The following ESR2 variants were observed in gnomAD, a reference collection of about 807,000 sequenced individuals.
ESR2 encodes estrogen receptor 2, also known as estrogen receptor beta.
ESR2 carries 36 observed loss-of-function variants against 49.6 expected under a neutral mutation model. The ratio of observed to expected loss-of-function variants is 0.73; its 90% CI spans 0.56 to 0.96. The LOEUF is 0.96. ESR2 is among the 40% of genes least tolerant of loss of function. The pLI is 0.00. For missense variants in ESR2, 714 were observed against 693.0 expected (o/e 1.03, Z -0.34); for synonymous variants, 320 against 266.1 (o/e 1.20, Z -1.97).
intron 1 of ESR2, among the ~76,000 whole-genome samples, chr14:64,334,019 C>T (rs1421944385): frequency 6.6e-6 from 1 of 152,040 alleles, no homozygotes; most frequent in African/African-American, 2.4e-5. Flanking sequence ...AAAATAAAAT[C>T]AAGTTAGCAC....
chr14:64,280,266 G>A, intron 2 of ESR2, 113 bp from the exon 3 acceptor site: 1 of 776,140 alleles, frequency 1.3e-6, no homozygotes, highest in African/African-American at 1.7e-5. Context: ...TTCCTCCAGG[G>A]TTCCTGGTAA....
intron 1 of ESR2, among the ~76,000 whole-genome samples, chr14:64,285,159 ACTT>A (rs2076763904): frequency 6.6e-6 from 1 of 151,928 alleles, no homozygotes. Flanking sequence ...AGCTCTCATT[ACTT>A]CTTATCAGTG....
chr14:64,332,873 CTT>C (rs150273193), intron 1 of ESR2, among the ~76,000 whole-genome samples: 25 of 128,632 alleles, frequency 1.9e-4, no homozygotes, highest in Non-Finnish European at 2.1e-4. Flanking sequence ...AATCACAAAT[CTT>C]TTTTTTTTTT....
At chr14:64,294,702 C>A (rs911918028), upstream of ESR2, among the ~76,000 whole-genome samples, 3 of 152,202 alleles carry the variant, frequency 2.0e-5, no homozygotes, top group Non-Finnish European at 4.4e-5. Flanking sequence ...GTCCTCAGCC[C>A]CTGACTCACA....
intron 1 of ESR2, among the ~76,000 whole-genome samples, chr14:64,293,237 CAT>C (rs1033677276): frequency 5.3e-5 from 8 of 152,162 alleles, no homozygotes; most frequent in African/African-American, 1.4e-4. Context: ...AAATTACAAA[CAT>C]GTTTCCCCTC....
chr14:64,228,060 C>G, downstream of ESR2: 1 of 1,391,338 alleles, frequency 7.2e-7, no homozygotes, highest in South Asian at 1.8e-5. Context: ...GGTCATAAAT[C>G]AATCACAAGT....
At chr14:64,299,018 CTGTTAGAAA>C (rs2076991586), upstream of ESR2, among the ~76,000 whole-genome samples, 3 of 151,286 alleles carry the variant, frequency 2.0e-5, no homozygotes, top group South Asian at 6.3e-4. Context: ...AGTTATAGGA[CTGTTAGAAA>C]TGGCGGCAAA....
At chr14:64,309,910 C>T (rs181442611) in intron 1 of ESR2, among the ~76,000 whole-genome samples, 3 of 152,028 alleles carry the variant, frequency 2.0e-5, no homozygotes, top group East Asian at 1.9e-4. Context: ...CACGGCAAAA[C>T]GCCGTCTCTA....
chr14:64,239,804 C>T (rs2075682301), intron 7 of ESR2, among the ~76,000 whole-genome samples: 1 of 152,182 alleles, frequency 6.6e-6, no homozygotes, highest in Non-Finnish European at 1.5e-5. Flanking sequence ...ACCACACAAC[C>T]TATATATGCA....
At chr14:64,242,424 AAAC>A (rs1446121059) in intron 7 of ESR2, among the ~76,000 whole-genome samples, 3 of 109,916 alleles carry the variant, frequency 2.7e-5, no homozygotes, top group African/African-American at 1.8e-4. Context: ...AAAACAAAAA[AAAC>A]AAAACAAACA....
intron 1 of ESR2, among the ~76,000 whole-genome samples, chr14:64,305,939 G>T (rs143813806): frequency 6.7e-6 from 1 of 150,238 alleles, no homozygotes; most frequent in South Asian, 2.1e-4. Context: ...GGCCGGGCAC[G>T]GTGGCTCACG....
intron 7 of ESR2, among the ~76,000 whole-genome samples, chr14:64,248,519 A>G (rs1185609670): frequency 2.6e-5 from 4 of 151,006 alleles, no homozygotes; most frequent in Non-Finnish European, 5.9e-5. Context: ...AAAAAAAAAA[A>G]AAAGAAAAAA....
At chr14:64,281,780 T>C (rs1394354881) in intron 2 of ESR2, among the ~76,000 whole-genome samples, 1 of 152,218 alleles carries the variant, frequency 6.6e-6, no homozygotes, top group Non-Finnish European at 1.5e-5. Context: ...TCAGGGAATG[T>C]CAACTGAAGC....
At chr14:64,254,564 T>C (rs1268339922) in intron 6 of ESR2, among the ~76,000 whole-genome samples, 4 of 144,982 alleles carry the variant, frequency 2.8e-5, no homozygotes, top group African/African-American at 1.1e-4. Context: ...TTGGCCAACA[T>C]GGTAAAACCC....
chr14:64,275,501 G>C (rs1024076426), intron 3 of ESR2, among the ~76,000 whole-genome samples: 1 of 151,978 alleles, frequency 6.6e-6, no homozygotes, highest in Non-Finnish European at 1.5e-5. Flanking sequence ...TCAGGAGTTC[G>C]AGACCAGCCT....
intron 6 of ESR2, among the ~76,000 whole-genome samples, chr14:64,255,395 A>T (rs772396591): frequency 3.3e-5 from 5 of 152,108 alleles, no homozygotes; most frequent in Non-Finnish European, 7.4e-5. Context: ...GCCTTGCGAC[A>T]TGGTACCCTG....
chr14:64,302,179 TA>T (rs1486722933), intron 1 of ESR2, among the ~76,000 whole-genome samples: 2,135 of 149,326 alleles, frequency 0.014, 66 homozygotes, highest in East Asian at 0.079. Flanking sequence ...TTTATTTATT[TA>T]TTTATTTATT....
At chr14:64,317,170 G>C (rs534538381) in intron 1 of ESR2, among the ~76,000 whole-genome samples, 3 of 152,178 alleles carry the variant, frequency 2.0e-5, no homozygotes, top group Non-Finnish European at 4.4e-5. Context: ...GGAGGCTGAG[G>C]TGGGAGAACC....
intron 1 of ESR2, among the ~76,000 whole-genome samples, chr14:64,331,504 A>G (rs2077457650): frequency 6.6e-6 from 1 of 152,176 alleles, no homozygotes; most frequent in Non-Finnish European, 1.5e-5. Context: ...AAGGATAGAA[A>G]AAGGGCTGGG....
Sources: gnomAD v4.1 joint callset for allele counts (sites outside exome capture counted in the v4.1 genomes callset) on GRCh38, gnomAD v4.1.1 for gene constraint, MANE v1.5 for transcripts, NCBI Gene and HGNC (gene_info 2026-07-23, HGNC 2026-07-21) for gene names.